The following SPTAN1 variants were observed in gnomAD, a reference collection of about 807,000 sequenced individuals.
The protein encoded by SPTAN1 is spectrin alpha, non-erythrocytic 1.
In SPTAN1, 61 loss-of-function variants were observed where a neutral mutation model predicts 331.3. The ratio of observed to expected loss-of-function variants is 0.18; its 90% CI spans 0.15 to 0.23. The LOEUF is 0.23. Ranked by LOEUF, SPTAN1 falls within the 10% of genes least tolerant of loss-of-function variation. The probability of loss-of-function intolerance (pLI) is 1.00; values close to 1 mark genes in which losing one functional copy is unlikely to be tolerated. For synonymous variants in SPTAN1, 1,153 were observed against 1,173.9 expected, an observed-to-expected ratio of 0.98 and a Z score of 0.36; for missense variants, 2,043 against 3,147.9, an observed-to-expected ratio of 0.65 and a Z score of 8.40.
chr9:128,624,593 C>T (rs1858451740), intron 46 of SPTAN1, 106 bp downstream of exon 46: 3 of 1,411,890 alleles, frequency 2.1e-6, no homozygotes, highest in Admixed American at 3.9e-5. Context: ...CAATTGTGGG[C>T]ATGGCAGAGA....
rs557466141 is a variant in SPTAN1 at position 128,552,976 on chromosome 9, C to T, written c.-4+280C>T. Reference sequence around the variant, plus strand: ...CGCGAGGCCGCCGGGTCCCTCCCAACCACCCCCAAGCCTGGCTGCGGCGCG... The same window carrying T: ...CGCGAGGCCGCCGGGTCCCTCCCAATCACCCCCAAGCCTGGCTGCGGCGCG... On this transcript the variant is annotated intron_variant, in intron 1 of 56. Coordinates refer to ENST00000372739, the MANE Select transcript of SPTAN1 (RefSeq NM_001130438.3). The surrounding 1 kb of genome is among the most constrained non-coding windows in gnomAD (Gnocchi z 4.6). 3 of 152,430 alleles carry T rather than the reference C, an allele frequency of 2.0e-5. No homozygotes were observed. The East Asian group carries it at 5.8e-4, about 29-fold the overall frequency. The allele number at this position is 152,430 out of a possible 1,614,324, so 9.4% of individuals were successfully genotyped here. A position where few individuals can be genotyped will look rare whatever the true frequency, so the allele number is the denominator to read the frequency against.
Position 128,577,344 on chromosome 9 carries a change from A to G in SPTAN1, c.931-8A>G. 5 of 1,614,222 alleles carry G rather than the reference A, an allele frequency of 3.1e-6. No homozygotes were observed. Among genetic ancestry groups the G allele is most frequent in the Non-Finnish European group, 4.2e-6 (5 of 1,180,044 alleles). ...CAGGAGAATAGTTCTGACGGAGTTC[A>G]TTTCTAGGTCAAAGCCCTGTGTGCT... On this transcript the variant is annotated splice_region_variant and splice_polypyrimidine_tract_variant and intron_variant, in intron 7 of 56. Transcript: ENST00000372739. The surrounding 1 kb of genome is among the most constrained non-coding windows in gnomAD (Gnocchi z 4.2).
chr9:128,590,162 C>T (rs1853282213), intron 21 of SPTAN1, among the ~76,000 whole-genome samples: 2 of 152,156 alleles, frequency 1.3e-5, no homozygotes, highest in East Asian at 3.9e-4. Flanking sequence ...CATTCCCACA[C>T]CTTATTTATC....
intron 40 of SPTAN1, among the ~76,000 whole-genome samples, chr9:128,614,038 G>T (rs560637424): frequency 6.6e-6 from 1 of 152,202 alleles, no homozygotes; most frequent in Admixed American, 6.5e-5. Context: ...TCAGGTTGTG[G>T]TGTTTTGCAT....
chr9:128,581,749 CATT>C lies in SPTAN1; in HGVS notation c.1462-29_1462-27del, dbSNP rs750180930. ...GTCTTAGAAGATCAAAGGAATAGGACATTATTCTGAACACTTTGTTTCCTTTGG... is the reference window on the plus strand; with the variant it reads ...GTCTTAGAAGATCAAAGGAATAGGACATTCTGAACACTTTGTTTCCTTTGG... On this transcript the variant is annotated intron_variant, in intron 11 of 56. Transcript: ENST00000372739. The C allele has an allele frequency of 5.9e-6, 9 of 1,522,144 alleles. No individual in the cohort carries two copies. In the Admixed American group the frequency reaches 1.5e-4, roughly 25 times the overall value. The allele number at this position is 1,522,144 out of a possible 1,614,324, so 94.3% of individuals were successfully genotyped here. A position where few individuals can be genotyped will look rare whatever the true frequency, so the allele number is the denominator to read the frequency against.
chr9:128,576,987 G>T (rs1428966339), intron 6 of SPTAN1, 31 bp downstream of exon 6: 2 of 1,614,030 alleles, frequency 1.2e-6, no homozygotes, highest in Admixed American at 3.3e-5. Flanking sequence ...TTGGGGAATG[G>T]GTCTCAACCT....
At chr9:128,583,367 C>T in intron 15 of SPTAN1, 86 bp downstream of exon 15, 10 of 1,356,386 alleles carry the variant, frequency 7.4e-6, no homozygotes, top group Non-Finnish European at 9.3e-6. Context: ...ACATATACCC[C>T]CCAAGAAAGG....
intron 9 of SPTAN1, 54 bp downstream of exon 9, chr9:128,578,299 C>G: frequency 6.2e-7 from 1 of 1,605,630 alleles, no homozygotes; most frequent in Non-Finnish European, 8.5e-7. Flanking sequence ...TATAATGCAC[C>G]AGTTTATCAG....
chr9:128,617,864 A>G (rs1589352911), intron 42 of SPTAN1, 104 bp downstream of exon 42: 16 of 1,611,656 alleles, frequency 9.9e-6, no homozygotes, highest in African/African-American at 2.7e-5. Context: ...TAAAGTGTTC[A>G]TGACCCCTCA....
At chr9:128,575,840 CCCACGTGTACAAT>C (rs1851244776) in intron 5 of SPTAN1, among the ~76,000 whole-genome samples, 2 of 152,140 alleles carry the variant, frequency 1.3e-5, no homozygotes, top group African/African-American at 4.8e-5. Context: ...TTCCCCAGTG[CCCACGTGTACAAT>C]CCTGTAAGCT....
intron 10 of SPTAN1, 48 bp from the exon 11 acceptor site, chr9:128,580,874 C>G (rs1851855862): frequency 6.2e-7 from 1 of 1,611,068 alleles, no homozygotes; most frequent in Non-Finnish European, 8.5e-7. Context: ...GCCTCGGAGG[C>G]ATTGGGGCTG....
intron 1 of SPTAN1, among the ~76,000 whole-genome samples, chr9:128,563,957 G>A (rs7023384): frequency 0.99 from 150,091 of 152,146 alleles, 74,065 homozygotes; most frequent in Middle Eastern, 1. Context: ...AACATTTCTT[G>A]ATGACCTCTG....
At position 128,582,539 on chromosome 9, in the gene SPTAN1, G is replaced by T. The variant is rs1003067844; in HGVS notation, c.1633G>T (p.Ala545Ser). 50 of 1,613,838 alleles carry T rather than the reference G, an allele frequency of 3.1e-5. No homozygotes were observed. Among genetic ancestry groups the T allele is most frequent in the Non-Finnish European group, 4.1e-5 (48 of 1,180,046 alleles). Residue 545 changes from alanine (A) to serine (S), a missense_variant, in exon 13 of 57, where the codon GCC becomes TCC. Transcript: ENST00000372739. ...CAACCACTATGCAATGGAAGATGTG[G>T]CCACTCGCCGAGATGCTGTAAGTTT... The part of the protein sequence containing the change: ...QNNHYAMEDV[A>S]TRRDALLSRR...
rs776318564 is a variant in SPTAN1 at position 128,632,554 on chromosome 9, C to T, written c.7014-18C>T. On this transcript the variant is annotated intron_variant, in intron 54 of 56. Coordinates refer to ENST00000372739, the MANE Select transcript of SPTAN1 (RefSeq NM_001130438.3). ...CAGCAGGGCTGCCTGCTGAGCCGCC[C>T]TCGGCTTTGTGCTGCAGACACTTTG... 1.2e-6 allele frequency: 2 copies of T among 1,614,142 alleles called. No homozygotes were observed. Among genetic ancestry groups the T allele is most frequent in the South Asian group, 2.2e-5 (2 of 91,088 alleles).
intron 19 of SPTAN1, among the ~76,000 whole-genome samples, 155 bp downstream of exon 19, chr9:128,586,120 T>G (rs1852592187): frequency 7.5e-6 from 1 of 133,472 alleles, no homozygotes; most frequent in South Asian, 2.5e-4. Flanking sequence ...TGGTTTTTTT[T>G]TTTTTTTTTT....
chr9:128,631,273 C>T (rs1859679457), intron 52 of SPTAN1, among the ~76,000 whole-genome samples: 1 of 151,974 alleles, frequency 6.6e-6, no homozygotes, highest in Admixed American at 6.6e-5. Context: ...GCCTGGCCAA[C>T]ATGGGGAAAC....
Position 128,629,882 on chromosome 9 carries a change from A to G in SPTAN1, c.6708-439A>G. 1 of 336,780 alleles carries G rather than the reference A, an allele frequency of 3.0e-6. No homozygotes were observed. The highest frequency in any genetic ancestry group is 5.8e-6 in the Non-Finnish European group (1 of 171,036). The allele number at this position is 336,780 out of a possible 1,614,324, so 20.9% of individuals were successfully genotyped here. On this transcript the variant is annotated intron_variant, in intron 51 of 56. Transcript: ENST00000372739. This position sits in a 1 kb window ranked among gnomAD's most constrained non-coding sequence, Gnocchi z 4.9. ...CCTCCCTCAGGAACCTTGCCGGGAC[A>G]CTCCAGGGTTTCTGTGGGGAGGCTG...
At chr9:128,571,451 GT>G (rs1190975240) in intron 3 of SPTAN1, among the ~76,000 whole-genome samples, 4 of 152,136 alleles carry the variant, frequency 2.6e-5, no homozygotes, top group African/African-American at 9.7e-5. Context: ...CAAGCGTGGT[GT>G]TGCGTGCCTG....
chr9:128,588,713 A>G lies in SPTAN1; in HGVS notation c.2872-96A>G, dbSNP rs1853015081. ...ATTCTCATGAGTGTATATTTGGTAC[A>G]TTTGGTACAGCTGGTGGCATTTGAA... On this transcript the variant is annotated intron_variant, in intron 20 of 56. Coordinates refer to ENST00000372739, the MANE Select transcript of SPTAN1 (RefSeq NM_001130438.3). 3.2e-6 allele frequency: 5 copies of G among 1,546,952 alleles called. No individual in the cohort carries two copies. In the East Asian group the frequency reaches 9.0e-5, roughly 28 times the overall value.
Sources: allele counts gnomAD v4.1 joint callset (sites outside exome capture counted in the v4.1 genomes callset), GRCh38; gene constraint gnomAD v4.1.1; non-coding constraint Gnocchi (gnomAD v3.1); transcripts MANE v1.5; gene names NCBI Gene and HGNC (gene_info 2026-07-23, HGNC 2026-07-21).